TARBP2: variants seen among roughly 807,000 people sequenced by gnomAD.
TARBP2 encodes the protein RISC-loading complex subunit TARBP2.
TARBP2 carries 23 observed loss-of-function variants against 40.4 expected under a neutral mutation model. The ratio of observed to expected loss-of-function variants is 0.57; its 90% CI spans 0.41 to 0.81. The LOEUF is 0.81. TARBP2 is among the 30% of genes least tolerant of loss of function. The pLI is 0.00. For missense variants in TARBP2, 358 were observed against 473.7 expected, an observed-to-expected ratio of 0.76 and a Z score of 2.27; for synonymous variants, 183 against 190.5, an observed-to-expected ratio of 0.96 and a Z score of 0.32.
At chr12:53,501,141 G>A (rs1413925448), upstream of TARBP2, 3 of 550,116 alleles carry the variant, frequency 5.5e-6, no homozygotes. Flanking sequence ...GCCTTCTCGA[G>A]AAGCGACGGC....
Position 53,505,166 on chromosome 12 carries a change from G to T in TARBP2, c.645G>T (p.Arg215=). 6.2e-7 allele frequency: 1 copy of T among 1,611,322 alleles called. No homozygotes were observed. Among genetic ancestry groups the T allele is most frequent in the Non-Finnish European group, 8.5e-7 (1 of 1,177,720 alleles). Residue 215 remains arginine, a synonymous_variant, in exon 7 of 9, where the codon CGG becomes CGT. Coordinates refer to ENST00000266987, the MANE Select transcript of TARBP2 (RefSeq NM_134323.2). The surrounding 1 kb of genome is among the most constrained non-coding windows in gnomAD (Gnocchi z 4.5). ...GCACTTCCAAAAAATTGGCAAAGCG[G>T]AATGCGGCGGCCAAAATGCTGCTTC... The part of the protein sequence containing the change: ...GSGTSKKLAK[R]NAAAKMLLRV...
intron 4 of TARBP2, chr12:53,504,049 C>A (rs918555071): frequency 1.7e-6 from 1 of 588,512 alleles, no homozygotes; most frequent in African/African-American, 1.9e-5. Context: ...GTCTTGCAGG[C>A]CCCATTTTCT....
At chr12:53,504,903 C>T (rs1278788407) in intron 6 of TARBP2, 88 bp downstream of exon 6, 15 of 1,518,234 alleles carry the variant, frequency 9.9e-6, no homozygotes, top group South Asian at 4.8e-5. Context: ...CACTCTGCTA[C>T]ACCCCCTGCT....
rs780176078 is a variant in TARBP2, at chr12:53,506,289, G to A, written c.*141G>A. On this transcript the variant is annotated 3_prime_UTR_variant, in exon 9 of 9. Coordinates refer to ENST00000266987, the MANE Select transcript of TARBP2 (RefSeq NM_134323.2). ...AGACTGCCTGCCTTGAAGCTGAGAA[G>A]GCACAGGGCAAGGAGCCAAGGACCA... 29 of 1,142,666 alleles carry A rather than the reference G, an allele frequency of 2.5e-5. No individual in the cohort carries two copies. Among genetic ancestry groups the A allele is most frequent in the Non-Finnish European group, 3.4e-5 (28 of 825,670 alleles). 70.8% of individuals were successfully genotyped at this position (1,142,666 alleles called of 1,614,324 possible).
Position 53,505,394 on chromosome 12 carries a change from C to T in TARBP2, c.741+132C>T. 7.1e-7 allele frequency: 1 copy of T among 1,399,002 alleles called. No individual in the cohort carries two copies. Among genetic ancestry groups the T allele is most frequent in the East Asian group, 2.4e-5 (1 of 41,888 alleles). The allele number at this position is 1,399,002 out of a possible 1,614,324, so 86.7% of individuals were successfully genotyped here. On this transcript the variant is annotated intron_variant, in intron 7 of 8. Coordinates refer to ENST00000266987, the MANE Select transcript of TARBP2 (RefSeq NM_134323.2). This position sits in a 1 kb window ranked among gnomAD's most constrained non-coding sequence, Gnocchi z 4.5. The stretch of plus-strand genomic sequence containing the variant: ...TCTGCTTCTGCCACAGTTTTCCTAC[C>T]AGACCCAGGGTTCCTGGGGCCGACT...
Position 53,502,948 on chromosome 12 carries a change from G to A in TARBP2, c.224-79G>A, listed in dbSNP as rs144366872. 1.9e-3 allele frequency: 2,760 copies of A among 1,431,898 alleles called. 18 individuals are homozygous for A. Among genetic ancestry groups the A allele is most frequent in the African/African-American group, 6.8e-3 (476 of 69,730 alleles). 88.7% of individuals were successfully genotyped at this position (1,431,898 alleles called of 1,614,324 possible). ...GGCTTGATTGATTCCCTCTGGCTAC[G>A]AGGAGAGAGGCTGTGGGATGCTGGT... On this transcript the variant is annotated intron_variant, in intron 2 of 8. Coordinates refer to ENST00000266987, the MANE Select transcript of TARBP2 (RefSeq NM_134323.2).
chr12:53,504,572 G>A, intron 5 of TARBP2, 103 bp downstream of exon 5: 1 of 1,604,818 alleles, frequency 6.2e-7, no homozygotes. Flanking sequence ...TCCTTGTACT[G>A]AGGCCCTTTC....
At chr12:53,502,339 G>GT in intron 2 of TARBP2, 155 bp downstream of exon 2, 2 of 1,052,134 alleles carry the variant, frequency 1.9e-6, no homozygotes. Flanking sequence ...TGGGAGAACA[G>GT]GGCTGTAAGA....
chr12:53,504,941 C>G, intron 6 of TARBP2, 126 bp downstream of exon 6: 1 of 1,429,696 alleles, frequency 7.0e-7, no homozygotes, highest in East Asian at 2.3e-5. Context: ...CCTAGCTCAG[C>G]CCCTTCCTTT....
chr12:53,504,615 C>T, intron 5 of TARBP2, 83 bp from the exon 6 acceptor site: 1 of 1,612,982 alleles, frequency 6.2e-7, no homozygotes, highest in Non-Finnish European at 8.5e-7. Context: ...CACCTAGAGT[C>T]TGAGGCTCCT....
intron 1 of TARBP2, 77 bp from the exon 2 acceptor site, chr12:53,501,938 A>G: frequency 6.4e-7 from 1 of 1,574,206 alleles, no homozygotes. Context: ...TAATGTGCCT[A>G]GGTCTGGTAT....
chr12:53,502,111 T>A lies in TARBP2; in HGVS notation c.150T>A (p.Leu50=). The A allele has an allele frequency of 5.0e-6, 8 of 1,614,152 alleles. No homozygotes were observed. Among genetic ancestry groups the A allele is most frequent in the Non-Finnish European group, 5.1e-6 (6 of 1,180,030 alleles). Residue 50 remains leucine (L), a synonymous_variant, in exon 2 of 9, where the codon CTT becomes CTA. Coordinates refer to ENST00000266987, the MANE Select transcript of TARBP2 (RefSeq NM_134323.2). ...TAGGGAAGACGCCTGTGTACGACCT[T>A]CTCAAAGCCGAGGGCCAAGCCCACC... ...TRIGKTPVYD[L]LKAEGQAHQP... is the part of the protein sequence containing the mutation.
chr12:53,503,956 A>G, intron 4 of TARBP2, 148 bp downstream of exon 4: 2 of 663,654 alleles, frequency 3.0e-6, no homozygotes, highest in African/African-American at 3.6e-5. Context: ...TGAAGAAATC[A>G]CAGCAGCTGG....
intron 4 of TARBP2, 177 bp downstream of exon 4, chr12:53,503,985 G>A: frequency 1.6e-6 from 1 of 615,716 alleles, no homozygotes; most frequent in South Asian, 1.9e-5. Flanking sequence ...TGGGACAAGA[G>A]GTCATTTGTG....
In TARBP2 at chr12:53,504,432, C is replaced by T; in HGVS notation, c.458C>T (p.Pro153Leu). The T allele has an allele frequency of 1.2e-6, 2 of 1,612,828 alleles. No individual in the cohort carries two copies. Among genetic ancestry groups the T allele is most frequent in the East Asian group, 2.2e-5 (1 of 44,862 alleles). The change falls in exon 5 of 9, where the codon CCT (proline) becomes CTT (leucine). Residue 153 changes from proline (P) to leucine (L), a missense_variant. Around this residue, in one of 3 missense-constraint regions of TARBP2, gnomAD observed 317 missense variants for 422.9 expected, o/e 0.75. Transcript: ENST00000266987. ...PPMELQPPVS[P>L]QQSECNPVGA... Reference sequence around the variant, plus strand: ...ATGGAACTGCAGCCCCCTGTCTCCCCTCAGCAGTCTGAGTGCAACCCCGTT... The same window carrying T: ...ATGGAACTGCAGCCCCCTGTCTCCCTTCAGCAGTCTGAGTGCAACCCCGTT...
intron 3 of TARBP2, chr12:53,503,423 C>A (rs960309210): frequency 3.3e-6 from 2 of 603,720 alleles, no homozygotes; most frequent in African/African-American, 1.9e-5. Context: ...CAACATACCT[C>A]CTTGTTCTAG....
At chr12:53,503,310 G>A in intron 3 of TARBP2, 181 bp downstream of exon 3, 1 of 1,368,554 alleles carries the variant, frequency 7.3e-7, no homozygotes, top group Non-Finnish European at 9.6e-7. Context: ...AATTCTTGGG[G>A]TGGAGGGGTT....
At position 53,505,064 on chromosome 12, in the gene TARBP2, C is replaced by T; in HGVS notation, c.614-71C>T. On this transcript the variant is annotated intron_variant, in intron 6 of 8. Coordinates refer to ENST00000266987, the MANE Select transcript of TARBP2 (RefSeq NM_134323.2). This position sits in a 1 kb window ranked among gnomAD's most constrained non-coding sequence, Gnocchi z 4.5. The stretch of plus-strand genomic sequence containing the variant: ...TGACATTCTGGGGGGACCCTCAATC[C>T]AAGTATGACCTGGGTGGAAGCACTG... 2 of 1,541,458 alleles carry T rather than the reference C, an allele frequency of 1.3e-6. No homozygotes were observed. The highest frequency in any genetic ancestry group is 2.5e-5 in the South Asian group (2 of 80,302).
chr12:53,501,139 G>A (rs969939592), upstream of TARBP2: 6 of 546,766 alleles, frequency 1.1e-5, no homozygotes, highest in East Asian at 3.1e-5. Flanking sequence ...CGGCCTTCTC[G>A]AGAAGCGACG....
Sources: allele counts gnomAD v4.1 joint callset, GRCh38; gene constraint gnomAD v4.1.1; regional missense constraint gnomAD v4.1.1; non-coding constraint Gnocchi (gnomAD v3.1); transcripts MANE v1.5; gene names NCBI Gene and HGNC (gene_info 2026-07-23, HGNC 2026-07-21).